The following PRRC2C variants were observed in gnomAD, a reference collection of about 807,000 sequenced individuals.
PRRC2C encodes protein PRRC2C.
PRRC2C carries 72 observed loss-of-function variants against 317.2 expected under a neutral mutation model. The observed-to-expected ratio is 0.23, with a 90% CI of 0.19 to 0.28. PRRC2C has a LOEUF of 0.28. PRRC2C is among the 10% of genes least tolerant of loss of function. The pLI, the probability that PRRC2C is intolerant of heterozygous loss-of-function variation, is 1.00. For synonymous variants in PRRC2C, 1,296 were observed against 1,205.9 expected (o/e 1.07, Z -1.55); for missense variants, 3,074 against 3,459.7 (o/e 0.89, Z 2.80).
At chr1:171,570,277 A>C (rs571522147) in intron 23 of PRRC2C, among the ~76,000 whole-genome samples, 1 of 152,226 alleles carries the variant, frequency 6.6e-6, no homozygotes, top group South Asian at 2.1e-4. Context: ...TGGGGGTTCC[A>C]TTTTGCACAT....
Position 171,515,852 on chromosome 1 carries a change from T to C in PRRC2C, c.519T>C (p.Arg173=). Residue 173 remains arginine, a synonymous_variant, in exon 5 of 35, where the codon CGT becomes CGC. Transcript: ENST00000647382. ...ACTATGGACCTGGACCCAGTTTACGTCCACCAAGTAAGAGTACTTTCTCTT... is the reference window on the plus strand; with the variant it reads ...ACTATGGACCTGGACCCAGTTTACGCCCACCAAGTAAGAGTACTTTCTCTT... ...DDNYGPGPSL[R]PPNVACWRDG... 6.3e-7 allele frequency: 1 copy of C among 1,594,822 alleles called. No individual in the cohort carries two copies. Among genetic ancestry groups the C allele is most frequent in the Non-Finnish European group, 8.5e-7 (1 of 1,172,852 alleles).
At chr1:171,545,399 C>A in intron 16 of PRRC2C, 80 bp from the exon 17 acceptor site, 1 of 1,213,424 alleles carries the variant, frequency 8.2e-7, no homozygotes, top group South Asian at 1.5e-5. Context: ...TTAGAATGAA[C>A]TTTAGAAACT....
chr1:171,567,989 C>G (rs149124450), intron 22 of PRRC2C, among the ~76,000 whole-genome samples: 2,382 of 152,260 alleles, frequency 0.016, 30 homozygotes, highest in Middle Eastern at 0.051. Context: ...GAGTTCGAGA[C>G]CAGCCTGGCC....
intron 20 of PRRC2C, among the ~76,000 whole-genome samples, chr1:171,563,475 C>T (rs1558010960): frequency 6.6e-6 from 1 of 152,028 alleles, no homozygotes; most frequent in Non-Finnish European, 1.5e-5. Context: ...GTTGAATCTA[C>T]AGATGTGGAA....
At position 171,541,729 on chromosome 1, in the gene PRRC2C, G is replaced by C. The variant is rs147829253; in HGVS notation, c.4263G>C (p.Arg1421Ser). Residue 1421 changes from arginine to serine, a missense_variant, in exon 16 of 35, where the codon AGG becomes AGC. Transcript: ENST00000647382. The surrounding 1 kb of genome is among the most constrained non-coding windows in gnomAD (Gnocchi z 4.1). ...FERKFDPARE[R>S]PRRQRPTRPP... ...GAAAATTTGACCCAGCTAGAGAAAG[G>C]CCTCGAAGGCAGCGTCCTACTCGAC... The C allele has an allele frequency of 4.3e-6, 7 of 1,613,894 alleles. No homozygotes were observed. The highest frequency in any genetic ancestry group is 2.2e-5 in the East Asian group (1 of 44,874).
intron 17 of PRRC2C, 45 bp from the exon 18 acceptor site, chr1:171,550,041 A>G: frequency 6.9e-7 from 1 of 1,439,548 alleles, no homozygotes; most frequent in South Asian, 1.5e-5. Context: ...ATTAATTTTC[A>G]TTTGAAAAAC....
chr1:171,486,034 C>T (rs946751579), intron 1 of PRRC2C, among the ~76,000 whole-genome samples: 3 of 151,810 alleles, frequency 2.0e-5, no homozygotes, highest in African/African-American at 2.4e-5. Flanking sequence ...AGTCCTGGCC[C>T]TGCGAGGGGA....
rs1558027463 is a variant in PRRC2C, at chr1:171,571,343, C to G, written c.6675C>G (p.Pro2225=). 1.9e-6 allele frequency: 3 copies of G among 1,610,564 alleles called. No homozygotes were observed. Among genetic ancestry groups the G allele is most frequent in the Non-Finnish European group, 2.5e-6 (3 of 1,176,876 alleles). The change falls in exon 24 of 35, where the codon CCC becomes CCG. Residue 2225 remains proline, a synonymous_variant. Coordinates refer to ENST00000647382, the MANE Select transcript of PRRC2C (RefSeq NM_001387844.1). ...VNNVPLPNTL[P]LPKRETIQQS... ...AGGTGCCCCTGCCCAACACCCTTCC[C>G]CTCCCTAAGAGGGAGACTATACAAC... is the stretch of plus-strand genomic sequence containing the variant.
At chr1:171,574,168 T>C (rs949187783) in intron 24 of PRRC2C, among the ~76,000 whole-genome samples, 2 of 152,108 alleles carry the variant, frequency 1.3e-5, no homozygotes, top group Non-Finnish European at 2.9e-5. Flanking sequence ...AAAAAACTTA[T>C]AAAATATCAA....
At chr1:171,528,886 A>G (rs1189496123) in intron 11 of PRRC2C, among the ~76,000 whole-genome samples, 1 of 151,920 alleles carries the variant, frequency 6.6e-6, no homozygotes, top group Non-Finnish European at 1.5e-5. Flanking sequence ...ATCATAGCTC[A>G]CTGCCACCTG....
chr1:171,526,762 C>T (rs542820108), intron 10 of PRRC2C, among the ~76,000 whole-genome samples: 1 of 146,130 alleles, frequency 6.8e-6, no homozygotes, highest in East Asian at 2.0e-4. Flanking sequence ...AGATGTTTAG[C>T]AATCTTATGG....
intron 1 of PRRC2C, among the ~76,000 whole-genome samples, chr1:171,489,058 A>G (rs889335040): frequency 2.0e-5 from 3 of 152,116 alleles, no homozygotes; most frequent in Non-Finnish European, 4.4e-5. Flanking sequence ...CCTCTACTAG[A>G]CTGTTTCCAT....
Position 171,592,592 on chromosome 1 carries a change from C to G in PRRC2C, c.*745C>G, listed in dbSNP as rs1179795199. On this transcript the variant is annotated 3_prime_UTR_variant, in exon 35 of 35. Transcript: ENST00000647382. ...AGCGCTACTTAGCATCTCCTTTCTTCCATGGAGCTCTCACGATTCAAACAT... is the reference window on the plus strand; with the variant it reads ...AGCGCTACTTAGCATCTCCTTTCTTGCATGGAGCTCTCACGATTCAAACAT... 6.6e-6 allele frequency: 1 copy of G among 152,198 alleles called. No individual in the cohort carries two copies. Among genetic ancestry groups the G allele is most frequent in the Non-Finnish European group, 1.5e-5 (1 of 68,044 alleles). The allele number at this position is 152,198 out of a possible 1,614,324, so 9.4% of individuals were successfully genotyped here.
intron 34 of PRRC2C, chr1:171,591,034 G>A: frequency 3.7e-6 from 1 of 270,936 alleles, no homozygotes; most frequent in East Asian, 1.8e-4. Flanking sequence ...GTATATTTTT[G>A]GGGGCACATA....
At chr1:171,497,775 G>A (rs943361161) in intron 1 of PRRC2C, among the ~76,000 whole-genome samples, 13 of 152,004 alleles carry the variant, frequency 8.6e-5, no homozygotes, top group Middle Eastern at 6.8e-3. Flanking sequence ...GGCCCTAATC[G>A]GGTATTTTTA....
In PRRC2C at chr1:171,571,380, C is replaced by T. The variant is rs1350018744; in HGVS notation, c.6712C>T (p.Leu2238=). The change falls in exon 24 of 35, where the codon CTA becomes TTA. Residue 2238 remains leucine (L), a synonymous_variant. Coordinates refer to ENST00000647382, the MANE Select transcript of PRRC2C (RefSeq NM_001387844.1). ...KRETIQQSSS[L]TSVPPTTFSL... ...GGAGACTATACAACAGAGCTCCAGC[C>T]TAACTTCAGTTCCTCCCACTACTTT... The T allele has an allele frequency of 9.3e-6, 15 of 1,612,654 alleles. No homozygotes were observed. Among genetic ancestry groups the T allele is most frequent in the Non-Finnish European group, 1.2e-5 (14 of 1,178,790 alleles).
At chr1:171,574,877 A>G in intron 24 of PRRC2C, 50 bp from the exon 25 acceptor site, 1 of 1,501,698 alleles carries the variant, frequency 6.7e-7, no homozygotes, top group South Asian at 1.2e-5. Context: ...ACATACGTAT[A>G]TTCTGTATTA....
chr1:171,591,612 A>G lies in PRRC2C; in HGVS notation c.8462A>G (p.Gln2821Arg), dbSNP rs1651461779. 6.2e-7 allele frequency: 1 copy of G among 1,613,902 alleles called. No homozygotes were observed. The highest frequency in any genetic ancestry group is 1.3e-5 in the African/African-American group (1 of 75,036). ...MKAKQRAEVL[Q>R]STQRFFSEQQ... ...GCAAAGCAGAGAGCAGAGGTTCTTC[A>G]GTCCACGCAACGGTTCTTCTCTGAA... Residue 2821 changes from glutamine (Q) to arginine (R), a missense_variant, in exon 35 of 35, where the codon CAG becomes CGG. Gln to Arg is a conservative substitution (Grantham distance 43). Transcript: ENST00000647382.
chr1:171,577,550 A>G lies in PRRC2C; in HGVS notation c.7072A>G (p.Ser2358Gly). Residue 2358 changes from serine (S) to glycine (G), a missense_variant, in exon 26 of 35, where the codon AGT (serine) becomes GGT (glycine). By Grantham distance (56) the Ser-to-Gly change is moderately conservative. Around this residue, in one of 11 missense-constraint regions of PRRC2C, gnomAD observed 490 missense variants for 663.1 expected, o/e 0.74. Coordinates refer to ENST00000647382, the MANE Select transcript of PRRC2C (RefSeq NM_001387844.1). ...QLQTSSLPSA[S>G]HFSQLSCMPS... ...ACAGACAAGCAGCCTGCCTTCTGCA[A>G]GTCATTTTTCACAGTTAAGCTGTAT... 1.2e-6 allele frequency: 2 copies of G among 1,613,724 alleles called. No homozygotes were observed. Among genetic ancestry groups the G allele is most frequent in the Non-Finnish European group, 1.7e-6 (2 of 1,179,658 alleles).
Sources: allele counts gnomAD v4.1 joint callset (sites outside exome capture counted in the v4.1 genomes callset), GRCh38; gene constraint gnomAD v4.1.1; regional missense constraint gnomAD v4.1.1; non-coding constraint Gnocchi (gnomAD v3.1); transcripts MANE v1.5; gene names NCBI Gene and HGNC (gene_info 2026-07-23, HGNC 2026-07-21).